TTC39B: variants seen among roughly 807,000 people sequenced by gnomAD.
The protein encoded by TTC39B is tetratricopeptide repeat protein 39B.
TTC39B carries 92 observed loss-of-function variants against 96.6 expected under a neutral mutation model. That is an observed-to-expected ratio of 0.95 (90% CI 0.80 to 1.13). The LOEUF (loss-of-function observed/expected upper bound fraction) is 1.13. Ranked by LOEUF, TTC39B falls within the 50% of genes most tolerant of loss-of-function variation. TTC39B has a pLI of 0.00. For missense variants in TTC39B, 955 were observed against 809.3 expected, an observed-to-expected ratio of 1.18 and a Z score of -2.18; for synonymous variants, 367 against 299.4, an observed-to-expected ratio of 1.23 and a Z score of -2.33.
chr9:15,251,497 G>C (rs998052443), intron 2 of TTC39B, among the ~76,000 whole-genome samples: 1 of 151,850 alleles, frequency 6.6e-6, no homozygotes, highest in Admixed American at 6.6e-5. Flanking sequence ...GGTAGGTGCA[G>C]GTTGCGGTGA....
At chr9:15,200,636 G>C (rs1278679966) in intron 7 of TTC39B, among the ~76,000 whole-genome samples, 1 of 152,220 alleles carries the variant, frequency 6.6e-6, no homozygotes, top group African/African-American at 2.4e-5. Flanking sequence ...TACTCTAATA[G>C]ATGGTACTAG....
chr9:15,272,110 A>G (rs1823377172), intron 1 of TTC39B, among the ~76,000 whole-genome samples: 1 of 150,544 alleles, frequency 6.6e-6, no homozygotes, highest in African/African-American at 2.4e-5. Flanking sequence ...CCCCACACTC[A>G]GTTCAAATTC....
rs75713085 is a variant in TTC39B, at chr9:15,214,195, T to C, written c.426A>G (p.Ala142=). The C allele has an allele frequency of 5.5e-3, 8,844 of 1,614,120 alleles. 33 individuals carry two copies. Among genetic ancestry groups the C allele is most frequent in the Middle Eastern group, 0.011 (67 of 6,062 alleles). The change falls in exon 4 of 20, where the codon GCA becomes GCG. Residue 142 remains alanine, a synonymous_variant. Transcript: ENST00000512701. ...ATTTGTTGCTTAGAAATAAGTTCAA[T>C]GCCACAGCACATTCTTCGAGGCCAC...
chr9:15,302,708 G>C (rs1824639189), intron 1 of TTC39B, among the ~76,000 whole-genome samples: 1 of 151,822 alleles, frequency 6.6e-6, no homozygotes, highest in South Asian at 2.1e-4. Context: ...GCTGGGCATG[G>C]TGTTGGGCGC....
At chr9:15,177,004 G>C (rs1035711069) in intron 18 of TTC39B, among the ~76,000 whole-genome samples, 4 of 152,198 alleles carry the variant, frequency 2.6e-5, no homozygotes, top group African/African-American at 7.2e-5. Flanking sequence ...TGCCAAAAGA[G>C]AGACAGAGTG....
At chr9:15,212,488 C>T (rs550785521) in intron 4 of TTC39B, among the ~76,000 whole-genome samples, 1 of 152,258 alleles carries the variant, frequency 6.6e-6, no homozygotes, top group African/African-American at 2.4e-5. Context: ...TACAATGGCA[C>T]AATCTCGGCT....
intron 1 of TTC39B, among the ~76,000 whole-genome samples, chr9:15,287,525 TA>T (rs1824016859): frequency 6.6e-6 from 1 of 152,190 alleles, no homozygotes; most frequent in Non-Finnish European, 1.5e-5. Context: ...TGTCAGAGCC[TA>T]ATCTATTGCC....
Position 15,306,998 on chromosome 9 carries a change from G to A in TTC39B, c.240+86C>T, listed in dbSNP as rs1369757227. 6.5e-7 allele frequency: 1 copy of A among 1,539,454 alleles called. No individual in the cohort carries two copies. Among genetic ancestry groups the A allele is most frequent in the Non-Finnish European group, 8.8e-7 (1 of 1,141,146 alleles). On this transcript the variant is annotated intron_variant, in intron 1 of 19. Transcript: ENST00000512701. This position sits in a 1 kb window ranked among gnomAD's most constrained non-coding sequence, Gnocchi z 5.1. ...GAGGGGACCAAGGGGGCGGGGCCTC[G>A]GCCGTCCTAGCCGGGCTCACTCTTC...
chr9:15,240,142 G>A (rs1488779685), intron 2 of TTC39B, among the ~76,000 whole-genome samples: 2 of 152,142 alleles, frequency 1.3e-5, no homozygotes, highest in Admixed American at 1.3e-4. Context: ...AAAGCAAGAA[G>A]AGCCCAAAAA....
chr9:15,276,774 C>T (rs1485284392), intron 1 of TTC39B, among the ~76,000 whole-genome samples: 1 of 152,176 alleles, frequency 6.6e-6, no homozygotes, highest in Non-Finnish European at 1.5e-5. Flanking sequence ...TCCTCTACTT[C>T]CTGTTGTGTA....
chr9:15,239,051 C>G (rs1821917134), intron 2 of TTC39B, among the ~76,000 whole-genome samples: 1 of 151,996 alleles, frequency 6.6e-6, no homozygotes, highest in African/African-American at 2.4e-5. Context: ...CTACAAGGAA[C>G]TCAAACAACT....
chr9:15,278,738 T>C (rs192496353), intron 1 of TTC39B, among the ~76,000 whole-genome samples: 2 of 152,370 alleles, frequency 1.3e-5, no homozygotes, highest in East Asian at 1.9e-4. Flanking sequence ...ATAAGTTCCA[T>C]CTATTAACAC....
chr9:15,195,334 CAG>C (rs1819095348), intron 8 of TTC39B, among the ~76,000 whole-genome samples: 1 of 152,056 alleles, frequency 6.6e-6, no homozygotes. Flanking sequence ...TGGAAGCTAA[CAG>C]AGGTTGTTTC....
At chr9:15,194,542 T>C (rs1819042551) in intron 8 of TTC39B, among the ~76,000 whole-genome samples, 1 of 152,212 alleles carries the variant, frequency 6.6e-6, no homozygotes, top group Admixed American at 6.5e-5. Context: ...TGTAAAGGCA[T>C]ACCTTGTTTT....
intron 2 of TTC39B, among the ~76,000 whole-genome samples, chr9:15,256,646 G>C (rs866634053): frequency 6.6e-6 from 1 of 152,174 alleles, no homozygotes; most frequent in Non-Finnish European, 1.5e-5. Context: ...AATGGGGGAA[G>C]ACTAACTGTT....
intron 2 of TTC39B, among the ~76,000 whole-genome samples, chr9:15,231,392 C>A (rs1045689379): frequency 1.4e-4 from 22 of 152,092 alleles, no homozygotes; most frequent in Non-Finnish European, 2.8e-4. Flanking sequence ...TTGTTTTTGT[C>A]CATGAGATAT....
chr9:15,282,193 G>C (rs1325145511), intron 1 of TTC39B, among the ~76,000 whole-genome samples: 1 of 152,134 alleles, frequency 6.6e-6, no homozygotes, highest in Admixed American at 6.5e-5. Context: ...AAAAAATAGA[G>C]ACTGCCAGAA....
intron 2 of TTC39B, among the ~76,000 whole-genome samples, chr9:15,264,757 A>C (rs1823068363): frequency 6.7e-6 from 1 of 149,942 alleles, no homozygotes; most frequent in African/African-American, 2.5e-5. Context: ...ATCTTATAAC[A>C]TCATGTTGTA....
intron 2 of TTC39B, among the ~76,000 whole-genome samples, chr9:15,243,146 G>A (rs547582254): frequency 2.6e-5 from 4 of 152,296 alleles, no homozygotes; most frequent in Admixed American, 1.3e-4. Flanking sequence ...TGCACCCAAC[G>A]CCATGTCAGA....
Sources: allele counts gnomAD v4.1 joint callset (sites outside exome capture counted in the v4.1 genomes callset), GRCh38; gene constraint gnomAD v4.1.1; non-coding constraint Gnocchi (gnomAD v3.1); transcripts MANE v1.5; gene names NCBI Gene and HGNC (gene_info 2026-07-23, HGNC 2026-07-21).